DLGAP2: variants seen among roughly 807,000 people sequenced by gnomAD.
DLGAP2 encodes disks large-associated protein 2.
Under a neutral mutation model 100.3 loss-of-function variants are expected in DLGAP2, and 26 were observed. That is an observed-to-expected ratio of 0.26 (90% CI 0.19 to 0.36). DLGAP2 has a LOEUF of 0.36. DLGAP2 is among the 10% of genes least tolerant of loss of function. DLGAP2 has a pLI of 1.00. For synonymous variants in DLGAP2, 886 were observed against 630.1 expected (o/e 1.41, Z -6.08); for missense variants, 1,858 against 1,453.2 (o/e 1.28, Z -4.53).
rs186782234 is a variant in DLGAP2 at position 1,494,624 on chromosome 8, C to T, written c.107-6742C>T. ...GGCGCCTGTAGTCTCACCTATTGGG[C>T]GTCTGAGGCAGGAGAATTGCTTGAT... On this transcript the variant is annotated intron_variant, in intron 3 of 14. Coordinates refer to ENST00000637795, the MANE Select transcript of DLGAP2 (RefSeq NM_001346810.2). Among the ~76,000 whole-genome samples, 114 of 152,086 alleles carry T rather than the reference C, an allele frequency of 7.5e-4. 2 individuals are homozygous for T. The East Asian group carries it at 0.02, about 26-fold the overall frequency.
intron 3 of DLGAP2, among the ~76,000 whole-genome samples, chr8:1,268,010 T>G (rs908815935): frequency 1.3e-5 from 2 of 152,190 alleles, no homozygotes; most frequent in Admixed American, 6.5e-5. Flanking sequence ...TATGATAAGA[T>G]AGAGTGAAAC....
At chr8:1,316,114 T>G (rs1445530393) in intron 3 of DLGAP2, among the ~76,000 whole-genome samples, 66 of 111,674 alleles carry the variant, frequency 5.9e-4, no homozygotes, top group African/African-American at 9.3e-4. Context: ...ACTCGGCAGC[T>G]TTTAAAAATA....
intron 6 of DLGAP2, among the ~76,000 whole-genome samples, chr8:1,592,612 C>G (rs1301410722): frequency 6.6e-6 from 1 of 152,154 alleles, no homozygotes; most frequent in Non-Finnish European, 1.5e-5. Context: ...CATTGCATTA[C>G]TGGACAACTT....
At chr8:1,336,045 G>A (rs73170467) in intron 3 of DLGAP2, among the ~76,000 whole-genome samples, 3,611 of 152,334 alleles carry the variant, frequency 0.024, 64 homozygotes, top group Middle Eastern at 0.061. Flanking sequence ...GCGGTGCTGG[G>A]CGTTCAGCCC....
chr8:886,219 T>C (rs1797918983), intron 1 of DLGAP2, among the ~76,000 whole-genome samples: 1 of 152,120 alleles, frequency 6.6e-6, no homozygotes, highest in East Asian at 1.9e-4. Flanking sequence ...GATCGTAGTT[T>C]GTATTTCTTT....
chr8:1,352,352 G>T (rs564611531), intron 3 of DLGAP2, among the ~76,000 whole-genome samples: 6 of 152,074 alleles, frequency 3.9e-5, no homozygotes, highest in Admixed American at 2.6e-4. Context: ...TGCTCCTCCT[G>T]TCCCCAGCGA....
At chr8:1,532,695 T>C (rs1476712286) in intron 4 of DLGAP2, among the ~76,000 whole-genome samples, 1 of 152,242 alleles carries the variant, frequency 6.6e-6, no homozygotes, top group Non-Finnish European at 1.5e-5. Context: ...TTTAATTTAA[T>C]TTACAATAGA....
intron 2 of DLGAP2, among the ~76,000 whole-genome samples, chr8:1,022,372 C>T (rs1443085451): frequency 1.3e-5 from 2 of 149,508 alleles, no homozygotes; most frequent in African/African-American, 2.5e-5. Context: ...CACCCACCCT[C>T]CCTGGGAGTG....
intron 1 of DLGAP2, among the ~76,000 whole-genome samples, chr8:830,903 T>G (rs1395245398): frequency 1.3e-5 from 2 of 151,220 alleles, no homozygotes; most frequent in Non-Finnish European, 3.0e-5. Context: ...ACTTTTTTTT[T>G]TTTTTTTTTT....
chr8:1,529,676 T>C (rs1415826231), intron 4 of DLGAP2, among the ~76,000 whole-genome samples: 2 of 152,316 alleles, frequency 1.3e-5, no homozygotes, highest in East Asian at 3.9e-4. Context: ...GCTTGAACAA[T>C]GTGAAAAAAT....
chr8:1,421,328 C>T (rs1279893710), intron 3 of DLGAP2, among the ~76,000 whole-genome samples: 2 of 152,110 alleles, frequency 1.3e-5, no homozygotes, highest in Non-Finnish European at 2.9e-5. Context: ...ATAGGCCTTG[C>T]ATACATTAGA....
chr8:1,031,707 A>C (rs1398902827), intron 2 of DLGAP2, among the ~76,000 whole-genome samples: 2 of 152,244 alleles, frequency 1.3e-5, no homozygotes, highest in African/African-American at 4.8e-5. Flanking sequence ...GAAAAAAAAT[A>C]ATGACCCCTT....
intron 1 of DLGAP2, among the ~76,000 whole-genome samples, chr8:824,878 A>G (rs1796657156): frequency 6.6e-6 from 1 of 151,956 alleles, no homozygotes; most frequent in South Asian, 2.1e-4. Flanking sequence ...AGCACCCCGC[A>G]TTGTCCCCTG....
At chr8:1,107,514 G>A (rs1010045535) in intron 2 of DLGAP2, among the ~76,000 whole-genome samples, 1 of 152,194 alleles carries the variant, frequency 6.6e-6, no homozygotes, top group Non-Finnish European at 1.5e-5. Flanking sequence ...TTCACAGGGA[G>A]AGCCAGGGCC....
intron 8 of DLGAP2, among the ~76,000 whole-genome samples, chr8:1,656,430 A>T (rs1379281408): frequency 6.6e-6 from 1 of 152,176 alleles, no homozygotes; most frequent in African/African-American, 2.4e-5. Flanking sequence ...GGCATTTTCA[A>T]TGGGTAGCAG....
At chr8:813,627 A>G (rs993099591) in intron 1 of DLGAP2, among the ~76,000 whole-genome samples, 1 of 152,210 alleles carries the variant, frequency 6.6e-6, no homozygotes, top group Non-Finnish European at 1.5e-5. Flanking sequence ...GTGAGGGCCT[A>G]GACACTCGCT....
chr8:1,641,460 C>G (rs919359045), intron 8 of DLGAP2, among the ~76,000 whole-genome samples: 1 of 152,152 alleles, frequency 6.6e-6, no homozygotes, highest in African/African-American at 2.4e-5. Context: ...AATGAGATTT[C>G]AAGATGAAGC....
intron 4 of DLGAP2, among the ~76,000 whole-genome samples, chr8:1,535,069 C>CCTT (rs568560025): frequency 2.6e-4 from 40 of 152,338 alleles, no homozygotes; most frequent in African/African-American, 9.4e-4. Context: ...CCCGGAGCCA[C>CCTT]CTTCTGTAGG....
chr8:757,009 C>T (rs765191299), intron 1 of DLGAP2, among the ~76,000 whole-genome samples: 4 of 152,190 alleles, frequency 2.6e-5, no homozygotes, highest in African/African-American at 7.2e-5. Context: ...ATGTTTGCCT[C>T]AAGAAGCTGT....
Sources: allele counts gnomAD v4.1 joint callset (sites outside exome capture counted in the v4.1 genomes callset), GRCh38; gene constraint gnomAD v4.1.1; transcripts MANE v1.5; gene names NCBI Gene and HGNC (gene_info 2026-07-23, HGNC 2026-07-21).